Variants in NOS1AP observed in about 807,000 individuals in gnomAD.
NOS1AP encodes nitric oxide synthase 1 adaptor protein.
NOS1AP carries 21 observed loss-of-function variants against 56.2 expected under a neutral mutation model. The ratio of observed to expected loss-of-function variants is 0.37; its 90% CI spans 0.26 to 0.54. The LOEUF is 0.54. NOS1AP is among the 20% of genes least tolerant of loss of function. NOS1AP has a pLI of 0.84. For missense variants in NOS1AP, 522 were observed against 657.8 expected (o/e 0.79, Z 2.26); for synonymous variants, 270 against 274.6 (o/e 0.98, Z 0.17).
intron 2 of NOS1AP, among the ~76,000 whole-genome samples, chr1:162,273,386 C>T (rs907611484): frequency 3.9e-5 from 6 of 152,180 alleles, no homozygotes; most frequent in Middle Eastern, 3.4e-3. Context: ...AGGATGGTCT[C>T]GATCTCCTGA....
chr1:162,115,921 G>T (rs762207332), intron 1 of NOS1AP, among the ~76,000 whole-genome samples: 1 of 152,140 alleles, frequency 6.6e-6, no homozygotes, highest in Non-Finnish European at 1.5e-5. Flanking sequence ...ATTTGTACTG[G>T]TCTCTATCTA....
chr1:162,079,531 C>G (rs560399533), intron 1 of NOS1AP, among the ~76,000 whole-genome samples: 25 of 152,292 alleles, frequency 1.6e-4, no homozygotes, highest in African/African-American at 5.8e-4. Flanking sequence ...GGCTCTATCC[C>G]TCACTTGCTA....
At chr1:162,244,309 G>C (rs1187418937) in intron 2 of NOS1AP, among the ~76,000 whole-genome samples, 2 of 152,122 alleles carry the variant, frequency 1.3e-5, no homozygotes, top group Non-Finnish European at 2.9e-5. Flanking sequence ...CATTCTCTTT[G>C]AGACACATTC....
At chr1:162,073,064 A>C (rs775075673) in intron 1 of NOS1AP, among the ~76,000 whole-genome samples, 8 of 152,170 alleles carry the variant, frequency 5.3e-5, no homozygotes, top group Non-Finnish European at 8.8e-5. Flanking sequence ...TGGGGTTAGG[A>C]TCGAAGGGCA....
intron 1 of NOS1AP, among the ~76,000 whole-genome samples, chr1:162,099,140 C>T (rs912036646): frequency 1.3e-5 from 2 of 152,008 alleles, no homozygotes; most frequent in East Asian, 1.9e-4. Context: ...ACAGTGTAAA[C>T]GCATTCCTTT....
intron 1 of NOS1AP, among the ~76,000 whole-genome samples, chr1:162,107,802 G>A (rs1198051236): frequency 2.6e-5 from 4 of 152,062 alleles, no homozygotes; most frequent in East Asian, 3.8e-4. Flanking sequence ...CCCTATCGGC[G>A]TGTATCATAA....
intron 2 of NOS1AP, among the ~76,000 whole-genome samples, chr1:162,191,634 C>T (rs927483206): frequency 2.0e-5 from 3 of 152,096 alleles, no homozygotes; most frequent in African/African-American, 7.2e-5. Context: ...CCGCGTTCTC[C>T]TAGATAGCTG....
chr1:162,149,904 C>T (rs1649640068), intron 1 of NOS1AP, among the ~76,000 whole-genome samples: 1 of 152,194 alleles, frequency 6.6e-6, no homozygotes, highest in South Asian at 2.1e-4. Flanking sequence ...TTGATACCGG[C>T]ATGCAATGCA....
rs958417194 is a variant in NOS1AP, at chr1:162,253,277, G to A, written c.178-34067G>A. On this transcript the variant is annotated intron_variant, in intron 2 of 9. Transcript: ENST00000361897. ...TGTCAGATGCCAGCACCTTGATATT[G>A]GACTCCCAGCCACTAGAACTGTGAG... 3.9e-5 allele frequency among the ~76,000 whole-genome samples: 6 copies of A among 152,186 alleles called. No homozygotes were observed. In the East Asian group the frequency reaches 1.2e-3, roughly 29 times the overall value.
intron 1 of NOS1AP, among the ~76,000 whole-genome samples, chr1:162,094,306 T>G (rs1030973175): frequency 2.2e-4 from 33 of 152,170 alleles, no homozygotes; most frequent in African/African-American, 7.2e-4. Context: ...TCCATTTACT[T>G]TCATCTTTCA....
chr1:162,091,190 C>T (rs1360725676), intron 1 of NOS1AP, among the ~76,000 whole-genome samples: 4 of 152,130 alleles, frequency 2.6e-5, no homozygotes, highest in Non-Finnish European at 2.9e-5. Flanking sequence ...AGCAGTTTCT[C>T]TTGGTGTGGA....
chr1:162,095,097 T>A (rs1692209781), intron 1 of NOS1AP, among the ~76,000 whole-genome samples: 1 of 152,206 alleles, frequency 6.6e-6, no homozygotes, highest in South Asian at 2.1e-4. Context: ...AGCTGTGGCA[T>A]CATATCTTCT....
intron 2 of NOS1AP, among the ~76,000 whole-genome samples, chr1:162,194,332 G>A (rs1243739982): frequency 6.6e-6 from 1 of 152,134 alleles, no homozygotes; most frequent in Non-Finnish European, 1.5e-5. Flanking sequence ...GCCCAGTCTT[G>A]TTTGCAGAGA....
At chr1:162,329,383 G>GAA (rs377535516) in intron 4 of NOS1AP, among the ~76,000 whole-genome samples, 3 of 147,492 alleles carry the variant, frequency 2.0e-5, no homozygotes, top group South Asian at 2.1e-4. Flanking sequence ...GAGAGAGAGA[G>GAA]AAAAGAAATT....
intron 1 of NOS1AP, among the ~76,000 whole-genome samples, chr1:162,077,875 T>C (rs1309212175): frequency 6.6e-6 from 1 of 151,972 alleles, no homozygotes; most frequent in African/African-American, 2.4e-5. Context: ...CCCTCTGCAG[T>C]ATCTCAGTCT....
chr1:162,283,679 C>T (rs1256593838), intron 2 of NOS1AP, among the ~76,000 whole-genome samples: 1 of 152,200 alleles, frequency 6.6e-6, no homozygotes, highest in Non-Finnish European at 1.5e-5. Context: ...TATTCCAAAA[C>T]AAGGTCCCAA....
intron 1 of NOS1AP, among the ~76,000 whole-genome samples, chr1:162,114,448 C>T (rs1466782334): frequency 6.6e-6 from 1 of 152,114 alleles, no homozygotes; most frequent in African/African-American, 2.4e-5. Flanking sequence ...ATCAGGCTCA[C>T]ATATATTATC....
chr1:162,324,171 G>A (rs1367650738), intron 4 of NOS1AP, among the ~76,000 whole-genome samples: 1 of 146,680 alleles, frequency 6.8e-6, no homozygotes, highest in Non-Finnish European at 1.5e-5. Flanking sequence ...CAGGAAGTCC[G>A]AGGGTCCTGA....
At chr1:162,266,227 T>C (rs1183619578) in intron 2 of NOS1AP, among the ~76,000 whole-genome samples, 2 of 152,158 alleles carry the variant, frequency 1.3e-5, no homozygotes, top group African/African-American at 4.8e-5. Context: ...TATTGGGAGA[T>C]TACAAGCAGT....
Sources: allele counts gnomAD v4.1 joint callset (sites outside exome capture counted in the v4.1 genomes callset), GRCh38; gene constraint gnomAD v4.1.1; transcripts MANE v1.5; gene names NCBI Gene and HGNC (gene_info 2026-07-23, HGNC 2026-07-21).